NXPH1: variants seen among roughly 807,000 people sequenced by gnomAD.
NXPH1 encodes neurexophilin 1.
NXPH1 carries 5 observed loss-of-function variants against 23.7 expected under a neutral mutation model. The observed-to-expected ratio is 0.21, with a 90% confidence interval of 0.11 to 0.44. NXPH1 has a LOEUF of 0.44. Among genes scored for constraint, NXPH1 ranks in the 20% least tolerant of loss-of-function variants. The pLI is 0.99. For synonymous variants in NXPH1, 144 were observed against 122.2 expected, an observed-to-expected ratio of 1.18 and a Z score of -1.18; for missense variants, 324 against 321.6, an observed-to-expected ratio of 1.01 and a Z score of -0.06.
In NXPH1 at chr7:8,468,725, A is replaced by G. The variant is rs149208072; in HGVS notation, c.54+32958A>G. On this transcript the variant is annotated intron_variant, in intron 2 of 2. Transcript: ENST00000405863. ...TGTTGCTTGCAGGTGACTGATTGAA[A>G]ATGCTTTTTTTATTTGTAAGTTTTT... Among the ~76,000 whole-genome samples the G allele has an allele frequency of 1.3e-3, 194 of 152,136 alleles. 2 individuals carry two copies. Among genetic ancestry groups the G allele is most frequent in the African/African-American group, 4.2e-3 (174 of 41,544 alleles).
chr7:8,699,560 C>T (rs188716123), intron 2 of NXPH1, among the ~76,000 whole-genome samples: 2 of 152,208 alleles, frequency 1.3e-5, no homozygotes, highest in African/African-American at 2.4e-5. Context: ...GTCCAACTAT[C>T]ACCAAAGCAT....
At chr7:8,567,682 C>G (rs928817539) in intron 2 of NXPH1, among the ~76,000 whole-genome samples, 2 of 151,864 alleles carry the variant, frequency 1.3e-5, no homozygotes, top group African/African-American at 4.8e-5. Context: ...TTCAATGCCA[C>G]CAGACTGAAG....
At chr7:8,631,890 T>A (rs1820137086) in intron 2 of NXPH1, among the ~76,000 whole-genome samples, 1 of 152,218 alleles carries the variant, frequency 6.6e-6, no homozygotes, top group Non-Finnish European at 1.5e-5. Context: ...CATGTGTCTT[T>A]ATTTTATTTC....
At chr7:8,483,255 T>A (rs1044455719) in intron 2 of NXPH1, among the ~76,000 whole-genome samples, 3 of 152,202 alleles carry the variant, frequency 2.0e-5, no homozygotes, top group Non-Finnish European at 4.4e-5. Flanking sequence ...GGGCTCTACA[T>A]CCATATTTAT....
intron 2 of NXPH1, among the ~76,000 whole-genome samples, chr7:8,632,135 A>G (rs1820144911): frequency 6.6e-6 from 1 of 152,166 alleles, no homozygotes; most frequent in Non-Finnish European, 1.5e-5. Flanking sequence ...GAAAATTGCC[A>G]TATACTTCCT....
At chr7:8,541,797 A>T (rs1400509130) in intron 2 of NXPH1, among the ~76,000 whole-genome samples, 1 of 151,672 alleles carries the variant, frequency 6.6e-6, no homozygotes, top group Non-Finnish European at 1.5e-5. Context: ...ATATCACTTG[A>T]AGGTAAACTG....
intron 2 of NXPH1, among the ~76,000 whole-genome samples, chr7:8,713,489 G>A (rs1562462675): frequency 1.3e-5 from 2 of 151,164 alleles, no homozygotes; most frequent in South Asian, 4.2e-4. Context: ...TTTCCTGGAT[G>A]GTCTTGATGC....
intron 2 of NXPH1, among the ~76,000 whole-genome samples, chr7:8,506,892 C>T (rs1817535368): frequency 6.6e-6 from 1 of 151,988 alleles, no homozygotes; most frequent in African/African-American, 2.4e-5. Flanking sequence ...ACCCTGCATG[C>T]CCTGCAGCTC....
intron 2 of NXPH1, among the ~76,000 whole-genome samples, chr7:8,610,438 C>T (rs1366897743): frequency 1.3e-5 from 2 of 152,122 alleles, no homozygotes; most frequent in African/African-American, 2.4e-5. Context: ...GAGGAGCACA[C>T]ATCACTATGG....
At chr7:8,440,030 A>AAG (rs1248359561) in intron 2 of NXPH1, among the ~76,000 whole-genome samples, 2 of 152,238 alleles carry the variant, frequency 1.3e-5, no homozygotes, top group African/African-American at 4.8e-5. Context: ...TCTTGGAGGC[A>AAG]GTACTAAAAG....
chr7:8,697,893 G>C (rs1779560305), intron 2 of NXPH1, among the ~76,000 whole-genome samples: 1 of 152,174 alleles, frequency 6.6e-6, no homozygotes. Flanking sequence ...GTAGAACAGA[G>C]ATCACAGAGA....
chr7:8,483,887 T>C (rs1342596110), intron 2 of NXPH1, among the ~76,000 whole-genome samples: 2 of 151,884 alleles, frequency 1.3e-5, no homozygotes, highest in East Asian at 3.9e-4. Flanking sequence ...TCCTTTTATA[T>C]GGTGGAAATA....
chr7:8,529,606 G>A (rs565087542), intron 2 of NXPH1, among the ~76,000 whole-genome samples: 1 of 152,278 alleles, frequency 6.6e-6, no homozygotes, highest in East Asian at 1.9e-4. Flanking sequence ...GGCTTTGCCA[G>A]TTATTAAATT....
In NXPH1 at chr7:8,751,019, C is replaced by G. The variant is rs1436833435; in HGVS notation, c.66C>G (p.Ala22=). The part of the protein sequence containing the change: ...LQPTVYLVTC[A]NLTNGGKSEL... ...TCTTCTGTTTTCAGGTCACATGTGC[C>G]AATTTAACGAACGGTGGAAAGTCAG... The change falls in exon 3 of 3, where the codon GCC becomes GCG. Residue 22 remains alanine, a synonymous_variant. Transcript: ENST00000405863. The surrounding 1 kb of genome is among the most constrained non-coding windows in gnomAD (Gnocchi z 4.5). 6.2e-7 allele frequency: 1 copy of G among 1,613,398 alleles called. No homozygotes were observed. The highest frequency in any genetic ancestry group is 1.1e-5 in the South Asian group (1 of 91,070).
intron 2 of NXPH1, among the ~76,000 whole-genome samples, chr7:8,481,122 A>G (rs76983326): frequency 0.028 from 4,212 of 152,284 alleles, 90 homozygotes; most frequent in Middle Eastern, 0.048. Flanking sequence ...CTGAAGCTCA[A>G]TTAAAGGTCT....
intron 2 of NXPH1, among the ~76,000 whole-genome samples, chr7:8,674,889 G>A (rs750647899): frequency 2.0e-5 from 3 of 152,118 alleles, no homozygotes; most frequent in Non-Finnish European, 2.9e-5. Flanking sequence ...CCTAGAAACC[G>A]AGGCCAGTAT....
At chr7:8,747,685 A>G (rs573768824) in intron 2 of NXPH1, among the ~76,000 whole-genome samples, 1 of 152,368 alleles carries the variant, frequency 6.6e-6, no homozygotes, top group African/African-American at 2.4e-5. Context: ...TGAGGCATAA[A>G]TGTAGGAACT....
At chr7:8,536,674 A>G (rs1169798166) in intron 2 of NXPH1, among the ~76,000 whole-genome samples, 1 of 151,458 alleles carries the variant, frequency 6.6e-6, no homozygotes, top group Non-Finnish European at 1.5e-5. Context: ...TAGGTAGAAA[A>G]TGTATTGTAA....
At chr7:8,553,477 T>C (rs921862061) in intron 2 of NXPH1, among the ~76,000 whole-genome samples, 2 of 151,548 alleles carry the variant, frequency 1.3e-5, no homozygotes, top group Admixed American at 1.3e-4. Flanking sequence ...AAATATTACT[T>C]GACATAGTCT....
Sources: gnomAD v4.1 joint callset for allele counts (sites outside exome capture counted in the v4.1 genomes callset) on GRCh38, gnomAD v4.1.1 for gene constraint, Gnocchi (gnomAD v3.1) non-coding constraint, MANE v1.5 for transcripts, NCBI Gene and HGNC (gene_info 2026-07-23, HGNC 2026-07-21) for gene names.